ADAMTS17: variants seen among roughly 807,000 people sequenced by gnomAD.
The protein encoded by ADAMTS17 is A disintegrin and metalloproteinase with thrombospondin motifs 17.
A neutral mutation model predicts 141.5 loss-of-function variants in ADAMTS17; 113 were observed. The ratio of observed to expected loss-of-function variants is 0.80; its 90% CI spans 0.69 to 0.93. The LOEUF (loss-of-function observed/expected upper bound fraction) is 0.93, where lower values mean the gene tolerates loss of function less well. ADAMTS17 is among the 40% of genes least tolerant of loss of function. The pLI is 0.00. For synonymous variants in ADAMTS17, 768 were observed against 630.6 expected (o/e 1.22, Z -3.27); for missense variants, 1,659 against 1,517.9 (o/e 1.09, Z -1.54).
chr15:100,003,366 G>A lies in ADAMTS17; in HGVS notation c.2592-5777C>T, dbSNP rs549738663. 2.1e-4 allele frequency among the ~76,000 whole-genome samples: 32 copies of A among 152,164 alleles called. No homozygotes were observed. In the South Asian group the frequency reaches 6.0e-3, roughly 29 times the overall value. Reference sequence around the variant, plus strand: ...TCACTGCTGCAGAGGAGGTGAACACGGGGCTGTGGGGGCCCAGGGAGGCGA... The same window carrying A: ...TCACTGCTGCAGAGGAGGTGAACACAGGGCTGTGGGGGCCCAGGGAGGCGA... On this transcript the variant is annotated intron_variant, in intron 18 of 21. Transcript: ENST00000268070.
intron 4 of ADAMTS17, among the ~76,000 whole-genome samples, chr15:100,275,821 C>T (rs1052993868): frequency 2.0e-5 from 3 of 151,274 alleles, no homozygotes; most frequent in Non-Finnish European, 1.5e-5. Context: ...CCATGAGATG[C>T]TATGAAACCC....
chr15:100,229,526 G>T (rs908890094), intron 7 of ADAMTS17, among the ~76,000 whole-genome samples: 1 of 152,180 alleles, frequency 6.6e-6, no homozygotes, highest in Non-Finnish European at 1.5e-5. Flanking sequence ...CATTCAGGAA[G>T]TCTTCTCTCT....
chr15:100,033,057 A>G (rs1442692443), intron 18 of ADAMTS17, among the ~76,000 whole-genome samples: 1 of 152,204 alleles, frequency 6.6e-6, no homozygotes, highest in African/African-American at 2.4e-5. Flanking sequence ...TTGAGAGAAA[A>G]AAAATGGTTC....
chr15:100,252,574 C>G (rs954199972), intron 7 of ADAMTS17, among the ~76,000 whole-genome samples: 6 of 152,334 alleles, frequency 3.9e-5, no homozygotes, highest in African/African-American at 1.4e-4. Context: ...AGAGCAGCCA[C>G]TCCTAGAAAC....
chr15:100,054,047 T>A lies in ADAMTS17; in HGVS notation c.2145A>T (p.Lys715Asn). 6.2e-7 allele frequency: 1 copy of A among 1,614,130 alleles called. No individual in the cohort carries two copies. The highest frequency in any genetic ancestry group is 1.1e-5 in the South Asian group (1 of 91,078). ...DFSHARGTAL[K>N]DSGKGSINSD... is the part of the protein sequence containing the mutation. ...TGTTGATGGACCCCTTACCCGAGTC[T>A]TTGAGAGCTAGAAAGCAAGTTGAAG... The change falls in exon 16 of 22, where the codon AAA (lysine) becomes AAT (asparagine). Residue 715 changes from lysine to asparagine, a missense_variant. Physicochemically the swap from Lys to Asn is moderately conservative, Grantham distance 94 (BLOSUM62 0). Transcript: ENST00000268070.
At chr15:100,034,791 C>T (rs2030542373) in intron 18 of ADAMTS17, among the ~76,000 whole-genome samples, 1 of 152,216 alleles carries the variant, frequency 6.6e-6, no homozygotes, top group Non-Finnish European at 1.5e-5. Flanking sequence ...CCTTATTCCT[C>T]CAGCATTAAA....
chr15:100,211,985 A>G (rs1596290292), intron 7 of ADAMTS17, among the ~76,000 whole-genome samples: 1 of 152,150 alleles, frequency 6.6e-6, no homozygotes, highest in East Asian at 1.9e-4. Flanking sequence ...TATCCTGGGA[A>G]GTGGCAGGTC....
At chr15:100,252,527 G>A (rs895858424) in intron 7 of ADAMTS17, among the ~76,000 whole-genome samples, 2 of 152,148 alleles carry the variant, frequency 1.3e-5, no homozygotes, top group African/African-American at 4.8e-5. Flanking sequence ...CCCGGACATG[G>A]GTACTGTGGC....
At chr15:100,221,377 T>A (rs1042127177) in intron 7 of ADAMTS17, among the ~76,000 whole-genome samples, 3 of 152,130 alleles carry the variant, frequency 2.0e-5, no homozygotes, top group African/African-American at 7.2e-5. Context: ...AGAAAAAATT[T>A]TGCTACAGTA....
intron 7 of ADAMTS17, among the ~76,000 whole-genome samples, chr15:100,207,725 G>C (rs896879153): frequency 6.6e-6 from 1 of 152,196 alleles, no homozygotes; most frequent in Non-Finnish European, 1.5e-5. Flanking sequence ...AGGCAGAGAA[G>C]TGCCATCCCT....
At chr15:100,161,374 G>C (rs1406525822) in intron 8 of ADAMTS17, among the ~76,000 whole-genome samples, 1 of 152,152 alleles carries the variant, frequency 6.6e-6, no homozygotes, top group African/African-American at 2.4e-5. Context: ...GTAGGCGTCA[G>C]GTCCGGCCTC....
chr15:100,119,753 C>G (rs2037357577), intron 12 of ADAMTS17, among the ~76,000 whole-genome samples: 1 of 152,240 alleles, frequency 6.6e-6, no homozygotes, highest in Admixed American at 6.5e-5. Flanking sequence ...TCTGCTGCTG[C>G]TTCTCCCTGA....
chr15:100,099,378 G>T (rs1346133736), intron 14 of ADAMTS17, among the ~76,000 whole-genome samples: 1 of 152,160 alleles, frequency 6.6e-6, no homozygotes, highest in Non-Finnish European at 1.5e-5. Flanking sequence ...TTATAATCTT[G>T]GCAGAAACTG....
intron 18 of ADAMTS17, among the ~76,000 whole-genome samples, chr15:100,045,515 T>G (rs2031615542): frequency 1.3e-5 from 2 of 152,208 alleles, no homozygotes; most frequent in African/African-American, 2.4e-5. Context: ...AGTTCAGGTC[T>G]TCTAGCTTTA....
chr15:100,002,313 C>T (rs904559666), intron 18 of ADAMTS17, among the ~76,000 whole-genome samples: 2 of 152,012 alleles, frequency 1.3e-5, no homozygotes, highest in Non-Finnish European at 2.9e-5. Context: ...CCCGCCTTTG[C>T]TTGTGCTGTG....
At chr15:100,269,593 G>A (rs1274859366) in intron 4 of ADAMTS17, among the ~76,000 whole-genome samples, 5 of 152,116 alleles carry the variant, frequency 3.3e-5, no homozygotes, top group East Asian at 1.9e-4. Flanking sequence ...CACTCTGCCC[G>A]CCCTCGCAGC....
At chr15:100,133,102 G>A (rs968583199) in intron 11 of ADAMTS17, 112 bp downstream of exon 11, 11 of 1,047,118 alleles carry the variant, frequency 1.1e-5, no homozygotes, top group Non-Finnish European at 1.4e-5. Flanking sequence ...GTGCCGCCTG[G>A]GGGATGTTTC....
intron 18 of ADAMTS17, among the ~76,000 whole-genome samples, chr15:99,999,565 G>A (rs562032100): frequency 2.0e-5 from 3 of 152,240 alleles, no homozygotes; most frequent in African/African-American, 7.2e-5. Flanking sequence ...GGGAAAGGAT[G>A]GGATTTGGGG....
At chr15:100,037,087 T>G (rs1483781482) in intron 18 of ADAMTS17, among the ~76,000 whole-genome samples, 2 of 152,234 alleles carry the variant, frequency 1.3e-5, no homozygotes, top group African/African-American at 4.8e-5. Flanking sequence ...CTGGAATTGC[T>G]GATTTGAATA....
Sources: allele counts gnomAD v4.1 joint callset (sites outside exome capture counted in the v4.1 genomes callset), GRCh38; gene constraint gnomAD v4.1.1; transcripts MANE v1.5; gene names NCBI Gene and HGNC (gene_info 2026-07-23, HGNC 2026-07-21).